CDK5RAP1: variants seen among roughly 807,000 people sequenced by gnomAD.
CDK5RAP1 encodes the protein CDK5RAP1 mitochondrial tRNA methylthiotransferase, also known as mitochondrial tRNA methylthiotransferase CDK5RAP1.
CDK5RAP1 carries 62 observed loss-of-function variants against 64.5 expected under a neutral mutation model. The ratio of observed to expected loss-of-function variants is 0.96; its 90% CI spans 0.78 to 1.19. The LOEUF (loss-of-function observed/expected upper bound fraction) is 1.19. Among genes scored for constraint, CDK5RAP1 ranks in the 50% most tolerant of loss-of-function variants. The pLI is 0.00. For synonymous variants in CDK5RAP1, 250 were observed against 261.9 expected (o/e 0.95, Z 0.44); for missense variants, 657 against 735.0 (o/e 0.89, Z 1.23).
chr20:33,367,732 G>A (rs891915370), intron 11 of CDK5RAP1, among the ~76,000 whole-genome samples: 8 of 152,162 alleles, frequency 5.3e-5, no homozygotes, highest in African/African-American at 1.9e-4. Flanking sequence ...AAGAAAAAAG[G>A]GAATTTATCC....
intron 4 of CDK5RAP1, 136 bp downstream of exon 4, chr20:33,393,896 T>A: frequency 1.4e-6 from 1 of 700,608 alleles, no homozygotes; most frequent in Non-Finnish European, 2.6e-6. Flanking sequence ...AAAGACTATC[T>A]CCACTGTGGG....
intron 7 of CDK5RAP1, among the ~76,000 whole-genome samples, chr20:33,382,014 T>G (rs1287812403): frequency 6.6e-6 from 1 of 152,182 alleles, no homozygotes; most frequent in East Asian, 1.9e-4. Context: ...TTGCTTTGTT[T>G]GTTTTGTAAT....
rs1377480001 is a variant in CDK5RAP1 at position 33,385,691 on chromosome 20, T to C, written c.835A>G (p.Ile279Val). 14 of 1,614,026 alleles carry C rather than the reference T, an allele frequency of 8.7e-6. No individual in the cohort carries two copies. Among genetic ancestry groups the C allele is most frequent in the Admixed American group, 6.7e-5 (4 of 60,000 alleles). The stretch of plus-strand genomic sequence containing the variant: ...TTCACTTCCTCTAGAATGGAGGCAA[T>C]AGGCCGACTCCTCTCCCTGCCCCGG... ...FTRGRERSRP[I>V]ASILEEVKKL... Residue 279 changes from isoleucine to valine, a missense_variant, in exon 7 of 14, where the codon ATT (isoleucine) becomes GTT (valine). Physicochemically the swap from Ile to Val is conservative, Grantham distance 29. Coordinates refer to ENST00000346416, the MANE Select transcript of CDK5RAP1 (RefSeq NM_016408.4).
At position 33,387,517 on chromosome 20, in the gene CDK5RAP1, C is replaced by G; in HGVS notation, c.561G>C (p.Arg187Ser). Residue 187 changes from arginine (R) to serine (S), a missense_variant, in exon 6 of 14, where the codon AGG (arginine) becomes AGC (serine). Physicochemically the swap from Arg to Ser is moderately radical, Grantham distance 110. Coordinates refer to ENST00000346416, the MANE Select transcript of CDK5RAP1 (RefSeq NM_016408.4). ...CTCTGTTGAGAATCTCCTCCTTCAA[C>G]CTCTCAGCCATGCAGCCTGGAAGGG... ...RIGILGCMAE[R>S]LKEEILNREK... The G allele has an allele frequency of 6.2e-7, 1 of 1,614,060 alleles. No individual in the cohort carries two copies. The highest frequency in any genetic ancestry group is 8.5e-7 in the Non-Finnish European group (1 of 1,179,934).
intron 8 of CDK5RAP1, among the ~76,000 whole-genome samples, chr20:33,377,272 A>G (rs1986130222): frequency 6.6e-6 from 1 of 152,218 alleles, no homozygotes; most frequent in South Asian, 2.1e-4. Context: ...CCCAGATGAC[A>G]TCTTCTTCCA....
intron 10 of CDK5RAP1, among the ~76,000 whole-genome samples, chr20:33,371,278 AATG>A (rs1327009738): frequency 3.3e-5 from 5 of 152,108 alleles, no homozygotes; most frequent in African/African-American, 4.8e-5. Flanking sequence ...TGGGCGACAG[AATG>A]ATAACCTATC....
chr20:33,398,513 T>C (rs908561623), intron 1 of CDK5RAP1, among the ~76,000 whole-genome samples: 3 of 151,662 alleles, frequency 2.0e-5, no homozygotes, highest in East Asian at 1.9e-4. Flanking sequence ...ATAAAAGATA[T>C]TCAATGCAAC....
chr20:33,391,775 T>C (rs545362103), intron 5 of CDK5RAP1, among the ~76,000 whole-genome samples: 10 of 151,662 alleles, frequency 6.6e-5, no homozygotes, highest in African/African-American at 2.4e-4. Flanking sequence ...AGCCAAGATC[T>C]CGCCATTGCA....
At chr20:33,363,546 A>C (rs1037823828) in intron 12 of CDK5RAP1, among the ~76,000 whole-genome samples, 2 of 152,156 alleles carry the variant, frequency 1.3e-5, no homozygotes, top group Non-Finnish European at 2.9e-5. Flanking sequence ...GTTCTTTATA[A>C]TACACTTGGA....
intron 11 of CDK5RAP1, 85 bp from the exon 12 acceptor site, chr20:33,367,093 T>C (rs939506059): frequency 1.0e-5 from 13 of 1,299,740 alleles, no homozygotes; most frequent in African/African-American, 1.5e-5. Flanking sequence ...GCGACCATGT[T>C]CATTCTACCT....
At chr20:33,380,228 T>C (rs1168735304) in intron 7 of CDK5RAP1, among the ~76,000 whole-genome samples, 1 of 152,214 alleles carries the variant, frequency 6.6e-6, no homozygotes, top group Admixed American at 6.5e-5. Flanking sequence ...TGTTTTAGAT[T>C]TTTTTCTTCT....
rs140644416 is a variant in CDK5RAP1 at position 33,368,610 on chromosome 20, T to C, written c.1393-1602A>G. On this transcript the variant is annotated intron_variant, in intron 11 of 13. Transcript: ENST00000346416. ...TTCTCAGGCCGGGCACAGTGGCTCA[T>C]GCCTGTAATCCCAGCACTTTGGGAG... Among the ~76,000 whole-genome samples the C allele has an allele frequency of 2.7e-3, 409 of 151,896 alleles. 10 individuals are homozygous for C. The East Asian group carries it at 0.045, about 17-fold the overall frequency.
chr20:33,360,434 T>G lies in CDK5RAP1; in HGVS notation c.1600A>C (p.Ile534Leu), dbSNP rs1982698033. Residue 534 changes from isoleucine (I) to leucine (L), a missense_variant, in exon 13 of 14, where the codon ATC (isoleucine) becomes CTC (leucine). Physicochemically the swap from Ile to Leu is conservative, Grantham distance 5. Coordinates refer to ENST00000346416, the MANE Select transcript of CDK5RAP1 (RefSeq NM_016408.4). Reference protein sequence around the residue: ...CGRNDGNLKVIFPDAEMEDVN... With the variant: ...CGRNDGNLKVLFPDAEMEDVN... ...TCCTCCATCTCTGCATCAGGGAAGA[T>G]CACCTTAAGGTTTCCATCATTCCTG... 6.2e-7 allele frequency: 1 copy of G among 1,613,816 alleles called. No individual in the cohort carries two copies. Among genetic ancestry groups the G allele is most frequent in the Admixed American group, 1.7e-5 (1 of 59,996 alleles).
chr20:33,394,919 G>C (rs977800435), intron 3 of CDK5RAP1, 94 bp downstream of exon 3: 3 of 766,892 alleles, frequency 3.9e-6, no homozygotes, highest in Non-Finnish European at 7.1e-6. Flanking sequence ...TCTCACCAGG[G>C]GGCACCCTGC....
At chr20:33,367,314 G>A (rs1984172285) in intron 11 of CDK5RAP1, among the ~76,000 whole-genome samples, 1 of 152,126 alleles carries the variant, frequency 6.6e-6, no homozygotes, top group Non-Finnish European at 1.5e-5. Context: ...ACATATACTA[G>A]GTTACTCAGC....
chr20:33,367,026 A>AAAAG lies in CDK5RAP1; in HGVS notation c.1393-19_1393-18insCTTT, dbSNP rs754440982. 1 of 1,590,940 alleles carries AAAAG rather than the reference A, an allele frequency of 6.3e-7. No homozygotes were observed. The highest frequency in any genetic ancestry group is 8.5e-7 in the Non-Finnish European group (1 of 1,171,278). ...CGTGTCTTCTATTAAAAAAAAAAAA[A>AAAAG]AGAGAGAAGATGGAGGTCACCAAGG... On this transcript the variant is annotated intron_variant, in intron 11 of 13. Coordinates refer to ENST00000346416, the MANE Select transcript of CDK5RAP1 (RefSeq NM_016408.4).
In CDK5RAP1 at chr20:33,387,490, C is replaced by T; in HGVS notation, c.588G>A (p.Glu196=). ...ERLKEEILNR[E]KMVDILAGPD... Reference sequence around the variant, plus strand: ...GACCAGCCAAAATATCTACCATTTTCTCTCTGTTGAGAATCTCCTCCTTCA... The same window carrying T: ...GACCAGCCAAAATATCTACCATTTTTTCTCTGTTGAGAATCTCCTCCTTCA... Residue 196 remains glutamate (E), a synonymous_variant, in exon 6 of 14, where the codon GAG becomes GAA. Coordinates refer to ENST00000346416, the MANE Select transcript of CDK5RAP1 (RefSeq NM_016408.4). 1 of 1,614,128 alleles carries T rather than the reference C, an allele frequency of 6.2e-7. No individual in the cohort carries two copies. Among genetic ancestry groups the T allele is most frequent in the Non-Finnish European group, 8.5e-7 (1 of 1,180,018 alleles).
intron 1 of CDK5RAP1, 31 bp from the exon 2 acceptor site, chr20:33,397,115 T>G (rs1568734736): frequency 1.3e-6 from 2 of 1,511,064 alleles, no homozygotes; most frequent in Admixed American, 3.8e-5. Context: ...TCACCAGCAT[T>G]TATTGAACAC....
chr20:33,371,584 TC>T (rs1985024045), intron 10 of CDK5RAP1, among the ~76,000 whole-genome samples: 1 of 152,130 alleles, frequency 6.6e-6, no homozygotes. Context: ...GGTCAGGAGT[TC>T]GGGACCAGCC....
Sources: gnomAD v4.1 joint callset for allele counts (sites outside exome capture counted in the v4.1 genomes callset) on GRCh38, gnomAD v4.1.1 for gene constraint, MANE v1.5 for transcripts, NCBI Gene and HGNC (gene_info 2026-07-23, HGNC 2026-07-21) for gene names.